The following TM9SF4 variants were observed in gnomAD, a reference collection of about 807,000 sequenced individuals.
The protein encoded by TM9SF4 is transmembrane 9 superfamily member 4.
TM9SF4 carries 26 observed loss-of-function variants against 90.4 expected under a neutral mutation model. That is an observed-to-expected ratio of 0.29 (90% CI 0.21 to 0.40). The LOEUF (loss-of-function observed/expected upper bound fraction) is 0.40. Among genes scored for constraint, TM9SF4 ranks in the 10% least tolerant of loss-of-function variants. TM9SF4 has a pLI of 1.00. For synonymous variants in TM9SF4, 293 were observed against 315.4 expected (o/e 0.93, Z 0.75); for missense variants, 549 against 834.8 (o/e 0.66, Z 4.22).
intron 3 of TM9SF4, among the ~76,000 whole-genome samples, chr20:32,139,849 C>T (rs536247983): frequency 6.6e-6 from 1 of 152,350 alleles, no homozygotes; most frequent in South Asian, 2.1e-4. Context: ...CACATGCTGT[C>T]CTGTCTGGAA....
At chr20:32,118,350 T>C (rs1399915134) in intron 1 of TM9SF4, among the ~76,000 whole-genome samples, 2 of 152,242 alleles carry the variant, frequency 1.3e-5, no homozygotes, top group Non-Finnish European at 2.9e-5. Context: ...TCTGCACATC[T>C]TCTGTGGAAC....
At position 32,138,213 on chromosome 20, in the gene TM9SF4, T is replaced by C. The variant is rs149207943; in HGVS notation, c.229+2040T>C. Among the ~76,000 whole-genome samples the C allele has an allele frequency of 4.3e-3, 660 of 152,288 alleles. 5 individuals carry two copies. Among genetic ancestry groups the C allele is most frequent in the Middle Eastern group, 0.01 (3 of 294 alleles). On this transcript the variant is annotated intron_variant, in intron 3 of 17. Transcript: ENST00000398022. ...GAGGGCTGTGCTAATGGTTGTCACA[T>C]TGATGGAGATCCATGGCATGGTGTA...
In TM9SF4 at chr20:32,146,859, C is replaced by T. The variant is rs1228619747; in HGVS notation, c.954+4C>T. 5.0e-6 allele frequency: 8 copies of T among 1,613,094 alleles called. No homozygotes were observed. Among genetic ancestry groups the T allele is most frequent in the South Asian group, 2.2e-5 (2 of 90,846 alleles). On this transcript the variant is annotated splice_donor_region_variant and intron_variant, in intron 9 of 17. Transcript: ENST00000398022. Reference sequence around the variant, plus strand: ...CTACAACAAGGAGGATGACATTGTACGAGGTCTTGGCTGGGGAGGGATGAA... The same window carrying T: ...CTACAACAAGGAGGATGACATTGTATGAGGTCTTGGCTGGGGAGGGATGAA...
intron 17 of TM9SF4, among the ~76,000 whole-genome samples, chr20:32,164,900 G>A (rs968725416): frequency 6.6e-6 from 1 of 152,172 alleles, no homozygotes; most frequent in Non-Finnish European, 1.5e-5. Flanking sequence ...GGAGGCTGAG[G>A]CGGGCTGATG....
At chr20:32,118,068 A>T (rs1218329429) in intron 1 of TM9SF4, among the ~76,000 whole-genome samples, 2 of 152,224 alleles carry the variant, frequency 1.3e-5, no homozygotes, top group Admixed American at 1.3e-4. Flanking sequence ...AACATCCTCT[A>T]TCAGGCTATC....
At position 32,129,237 on chromosome 20, in the gene TM9SF4, T is replaced by C. The variant is rs188244856; in HGVS notation, c.16-3776T>C. On this transcript the variant is annotated intron_variant, in intron 1 of 17. Coordinates refer to ENST00000398022, the MANE Select transcript of TM9SF4 (RefSeq NM_014742.4). ...GGCCAGGTGCAGTGACTCACACTTATATCTCAGCACTTTGGGAGGCTGAGG... is the reference window on the plus strand; with the variant it reads ...GGCCAGGTGCAGTGACTCACACTTACATCTCAGCACTTTGGGAGGCTGAGG... 1.2e-4 allele frequency among the ~76,000 whole-genome samples: 19 copies of C among 152,254 alleles called. No individual in the cohort carries two copies. The East Asian group carries it at 3.7e-3, about 29-fold the overall frequency.
intron 1 of TM9SF4, among the ~76,000 whole-genome samples, chr20:32,131,259 C>A (rs2235898): frequency 6.6e-6 from 1 of 151,894 alleles, no homozygotes; most frequent in Admixed American, 6.6e-5. Context: ...CACAACAAAT[C>A]GGAGGAAAAA....
chr20:32,119,433 A>G (rs945511860), intron 1 of TM9SF4, among the ~76,000 whole-genome samples: 5 of 152,176 alleles, frequency 3.3e-5, no homozygotes, highest in African/African-American at 1.2e-4. Flanking sequence ...CCTATTGACA[A>G]ATGATATTAA....
chr20:32,151,269 T>G (rs771052640), intron 12 of TM9SF4, among the ~76,000 whole-genome samples: 11 of 152,190 alleles, frequency 7.2e-5, no homozygotes, highest in Non-Finnish European at 1.6e-4. Context: ...CCCAAGTTCC[T>G]GTCAGCCCAT....
chr20:32,148,643 T>C (rs1411931509), intron 9 of TM9SF4, among the ~76,000 whole-genome samples: 1 of 151,082 alleles, frequency 6.6e-6, no homozygotes, highest in Non-Finnish European at 1.5e-5. Flanking sequence ...ACACCAAGAC[T>C]TGGTATAGAA....
At chr20:32,130,466 A>T (rs1366671800) in intron 1 of TM9SF4, among the ~76,000 whole-genome samples, 2 of 152,148 alleles carry the variant, frequency 1.3e-5, no homozygotes, top group Non-Finnish European at 2.9e-5. Context: ...GGCAGGGTTT[A>T]TTTCTCTCAC....
intron 14 of TM9SF4, 32 bp from the exon 15 acceptor site, chr20:32,158,419 T>G: frequency 6.2e-7 from 1 of 1,613,524 alleles, no homozygotes; most frequent in Non-Finnish European, 8.5e-7. Flanking sequence ...TGGCCTGGTC[T>G]CTAACAATGT....
chr20:32,155,060 G>A, intron 12 of TM9SF4, 43 bp from the exon 13 acceptor site: 1 of 1,556,002 alleles, frequency 6.4e-7, no homozygotes, highest in African/African-American at 1.4e-5. Context: ...AGGTAGGGGA[G>A]GTCCCTGGAT....
At chr20:32,121,919 C>T (rs1225776488) in intron 1 of TM9SF4, among the ~76,000 whole-genome samples, 13 of 143,820 alleles carry the variant, frequency 9.0e-5, no homozygotes, top group Middle Eastern at 3.4e-3. Context: ...GGCGGCTGGC[C>T]GGGCGGGGGG....
At chr20:32,151,757 C>T (rs1257586822) in intron 12 of TM9SF4, among the ~76,000 whole-genome samples, 1 of 152,174 alleles carries the variant, frequency 6.6e-6, no homozygotes, top group East Asian at 1.9e-4. Context: ...TCTCGGATCA[C>T]TGCAACCTCC....
rs770458685 is a variant in TM9SF4 at position 32,136,186 on chromosome 20, C to G, written c.229+13C>G. The G allele has an allele frequency of 1.2e-6, 2 of 1,612,702 alleles. No homozygotes were observed. The highest frequency in any genetic ancestry group is 1.7e-6 in the Non-Finnish European group (2 of 1,178,756). ...GCAGAGAATCTGGGTAAGTTCTTCT[C>G]CCACACTGCTGTCAACTTGTCCCCA... On this transcript the variant is annotated intron_variant, in intron 3 of 17. Coordinates refer to ENST00000398022, the MANE Select transcript of TM9SF4 (RefSeq NM_014742.4).
chr20:32,159,798 C>T, intron 15 of TM9SF4, 194 bp from the exon 16 acceptor site: 1 of 681,474 alleles, frequency 1.5e-6, no homozygotes, highest in Non-Finnish European at 2.5e-6. Context: ...GGTCAGTCAA[C>T]CCCTGGCCCC....
chr20:32,137,893 AAGG>A (rs2046616942), intron 3 of TM9SF4, among the ~76,000 whole-genome samples: 5 of 152,206 alleles, frequency 3.3e-5, no homozygotes, highest in Admixed American at 3.3e-4. Flanking sequence ...AGTGAGGCAC[AAGG>A]AGGTGAAGTC....
At position 32,109,749 on chromosome 20, in the gene TM9SF4, G is replaced by A; in HGVS notation, c.9G>A (p.Thr3=). ...CGACACGTGGATCCAAGATGGCGAC[G>A]GCGATGGTGAGTGAAGGAGACTCCG... The part of the protein sequence containing the change: MA[T]AMDWLPWSLL... Residue 3 remains threonine (T), a synonymous_variant, in exon 1 of 18, where the codon ACG becomes ACA. Coordinates refer to ENST00000398022, the MANE Select transcript of TM9SF4 (RefSeq NM_014742.4). 6.4e-7 allele frequency: 1 copy of A among 1,551,658 alleles called. No homozygotes were observed. Among genetic ancestry groups the A allele is most frequent in the African/African-American group, 1.4e-5 (1 of 73,178 alleles).
Sources: allele counts gnomAD v4.1 joint callset (sites outside exome capture counted in the v4.1 genomes callset), GRCh38; gene constraint gnomAD v4.1.1; transcripts MANE v1.5; gene names NCBI Gene and HGNC (gene_info 2026-07-23, HGNC 2026-07-21).